Variants in OR2AJ1 observed in about 807,000 individuals in gnomAD.
The protein encoded by OR2AJ1 is olfactory receptor 2AJ1.
For synonymous variants in OR2AJ1, 105 were observed against 60.3 expected (o/e 1.74, Z -3.44); for missense variants, 280 against 163.2 (o/e 1.72, Z -3.90).
chr1:247,932,392 C>A lies in OR2AJ1; in HGVS notation c.-22-1355C>A, dbSNP rs555150347. On this transcript the variant is annotated intron_variant, in intron 1 of 1. Transcript: ENST00000318244. ...TAAAAAACAGGCAGGACTAATTACA[C>A]ATACATTTATAAACTTCATTGAGGT... is the stretch of plus-strand genomic sequence containing the variant. 8.1e-4 allele frequency among the ~76,000 whole-genome samples: 123 copies of A among 152,210 alleles called. 1 individual carries two copies. The South Asian group carries it at 8.5e-3, about 11-fold the overall frequency.
Position 247,934,442 on chromosome 1 carries a change from T to C in OR2AJ1, c.674T>C (p.Val225Ala). ...SASYGQIILT[V>A]LQMKSSEARK... is the part of the protein sequence containing the mutation. ...TCTTATGGCCAAATTATTCTTACTG[T>C]CCTCCAGATGAAATCATCAGAGGCA... is the stretch of plus-strand genomic sequence containing the variant. The change falls in exon 2 of 2, where the codon GTC becomes GCC. Residue 225 changes from valine to alanine, a missense_variant. Val to Ala is a moderately conservative substitution (Grantham distance 64, BLOSUM62 0). Transcript: ENST00000318244. 1.4e-6 allele frequency: 1 copy of C among 717,554 alleles called. No homozygotes were observed. The highest frequency in any genetic ancestry group is 2.6e-6 in the Non-Finnish European group (1 of 385,128). 44.4% of individuals were successfully genotyped at this position (717,554 alleles called of 1,614,324 possible). A position where few individuals can be genotyped will look rare whatever the true frequency, so the allele number is the denominator to read the frequency against.
intron 1 of OR2AJ1, among the ~76,000 whole-genome samples, chr1:247,929,100 A>C (rs1660124489): frequency 6.6e-6 from 1 of 152,180 alleles, no homozygotes; most frequent in South Asian, 2.1e-4. Context: ...AGGGCCAAAA[A>C]AAATGGTGAA....
At position 247,929,887 on chromosome 1, in the gene OR2AJ1, A is replaced by G. The variant is rs1267034666; in HGVS notation, c.-22-3860A>G. ...ATGATATTGTTATTTTCTTAATAAAATGTTTGAGTCAATAGCATACGAATT... is the reference window on the plus strand; with the variant it reads ...ATGATATTGTTATTTTCTTAATAAAGTGTTTGAGTCAATAGCATACGAATT... On this transcript the variant is annotated intron_variant, in intron 1 of 1. Transcript: ENST00000318244. 2.6e-5 allele frequency among the ~76,000 whole-genome samples: 4 copies of G among 152,162 alleles called. No individual in the cohort carries two copies. The East Asian group carries it at 5.8e-4, about 22-fold the overall frequency.
rs987833382 is a variant in OR2AJ1 at position 247,934,942 on chromosome 1, T to TA, written c.*188dup. ...GTACCAATTATAATCATGCAACAGT[T>TA]ACAGGAAGTAGAAGTTACCCAAGGC... is the stretch of plus-strand genomic sequence containing the variant. On this transcript the variant is annotated 3_prime_UTR_variant, in exon 2 of 2. Transcript: ENST00000318244. The TA allele has an allele frequency of 4.9e-5, 25 of 512,866 alleles. No individual in the cohort carries two copies. The highest frequency in any genetic ancestry group is 7.5e-5 in the Non-Finnish European group (22 of 293,850). 31.8% of individuals were successfully genotyped at this position (512,866 alleles called of 1,614,324 possible).
rs1430106103 is a variant in OR2AJ1, at chr1:247,934,580, A to G, written c.812A>G (p.Asp271Gly). ...AAATCATACCACACTCCAGGCCAGG[A>G]TAAGTTCCTGGCAATATTCTATACG... Reference protein sequence around the residue: ...RPKSYHTPGQDKFLAIFYTIL... With the variant: ...RPKSYHTPGQGKFLAIFYTIL... Residue 271 changes from aspartate to glycine, a missense_variant, in exon 2 of 2, where the codon GAT becomes GGT. Asp to Gly is a moderately conservative substitution (Grantham distance 94). Coordinates refer to ENST00000318244, the MANE Select transcript of OR2AJ1 (RefSeq NM_001355235.2). 1 of 717,890 alleles carries G rather than the reference A, an allele frequency of 1.4e-6. No homozygotes were observed. Among genetic ancestry groups the G allele is most frequent in the Admixed American group, 2.0e-5 (1 of 50,020 alleles). 44.5% of individuals were successfully genotyped at this position (717,890 alleles called of 1,614,324 possible). A position where few individuals can be genotyped will look rare whatever the true frequency, so the allele number is the denominator to read the frequency against.
intron 1 of OR2AJ1, among the ~76,000 whole-genome samples, chr1:247,927,570 T>A (rs1270876921): frequency 6.6e-6 from 1 of 150,424 alleles, no homozygotes; most frequent in Non-Finnish European, 1.5e-5. Context: ...ATAGAAAAAA[T>A]TATCATTAAC....
At chr1:247,925,315 A>G (rs1660078690) in intron 1 of OR2AJ1, 147 bp downstream of exon 1, 1 of 152,288 alleles carries the variant, frequency 6.6e-6, no homozygotes, top group Non-Finnish European at 1.5e-5. Flanking sequence ...ACATAAACAT[A>G]AGCAGCTAAA....
rs1317047594 is a variant in OR2AJ1 at position 247,925,009 on chromosome 1, C to T, written c.-182C>T. ...GGAAGGAAATCGCTGAACTGAGTAT[C>T]ACCCAATGCCTCTGAGTCACTCTCA... On this transcript the variant is annotated 5_prime_UTR_variant, in exon 1 of 2. Transcript: ENST00000318244. 6.6e-6 allele frequency: 1 copy of T among 152,234 alleles called. No homozygotes were observed. The highest frequency in any genetic ancestry group is 2.4e-5 in the African/African-American group (1 of 41,412). The allele number at this position is 152,234 out of a possible 1,614,324, so 9.4% of individuals were successfully genotyped here.
chr1:247,929,599 G>GGTCTCTGTGT (rs138586638), intron 1 of OR2AJ1, among the ~76,000 whole-genome samples: 2 of 147,356 alleles, frequency 1.4e-5, no homozygotes, highest in African/African-American at 2.5e-5. Context: ...CCCTTCACTC[G>GGTCTCTGTGT]GTGTGTGTGT....
chr1:247,933,628 T>C (rs1022473566), intron 1 of OR2AJ1, 119 bp from the exon 2 acceptor site: 2 of 477,026 alleles, frequency 4.2e-6, no homozygotes, highest in Non-Finnish European at 7.4e-6. Context: ...AAGAGTATTT[T>C]GATGTTGATT....
chr1:247,934,849 A>C lies in OR2AJ1; in HGVS notation c.*94A>C. 1 of 602,206 alleles carries C rather than the reference A, an allele frequency of 1.7e-6. No homozygotes were observed. Among genetic ancestry groups the C allele is most frequent in the South Asian group, 2.1e-5 (1 of 48,780 alleles). The allele number at this position is 602,206 out of a possible 1,614,324, so 37.3% of individuals were successfully genotyped here. A position where few individuals can be genotyped will look rare whatever the true frequency, so the allele number is the denominator to read the frequency against. On this transcript the variant is annotated 3_prime_UTR_variant, in exon 2 of 2. Transcript: ENST00000318244. The stretch of plus-strand genomic sequence containing the variant: ...AAGTGAATATTTCAGAAACATTGTT[A>C]ATAATAAACAATAATATGTGTTTGT...
chr1:247,931,113 C>T (rs1660148665), intron 1 of OR2AJ1, among the ~76,000 whole-genome samples: 1 of 152,144 alleles, frequency 6.6e-6, no homozygotes, highest in South Asian at 2.1e-4. Context: ...AGCTGAAAAA[C>T]TTAAGACAAA....
chr1:247,931,789 A>G (rs1660155229), intron 1 of OR2AJ1, among the ~76,000 whole-genome samples: 1 of 152,260 alleles, frequency 6.6e-6, no homozygotes, highest in African/African-American at 2.4e-5. Context: ...AGCTAAGGAC[A>G]TATGATTCAG....
intron 1 of OR2AJ1, among the ~76,000 whole-genome samples, chr1:247,926,349 C>T (rs1466241688): frequency 6.6e-6 from 1 of 152,150 alleles, no homozygotes; most frequent in Non-Finnish European, 1.5e-5. Context: ...CATTAACACA[C>T]GATAATCCAA....
chr1:247,929,641 G>A (rs952850236), intron 1 of OR2AJ1, among the ~76,000 whole-genome samples: 3 of 103,262 alleles, frequency 2.9e-5, no homozygotes, highest in African/African-American at 5.6e-5. Context: ...TTTGCAGTGG[G>A]GGTATTTAAT....
At chr1:247,925,509 T>TA (rs977574670) in intron 1 of OR2AJ1, among the ~76,000 whole-genome samples, 4 of 152,108 alleles carry the variant, frequency 2.6e-5, no homozygotes, top group Admixed American at 6.6e-5. Context: ...TAATCCAACT[T>TA]ATGAAAAAGA....
chr1:247,933,847 T>G lies in OR2AJ1; in HGVS notation c.79T>G (p.Phe27Val). The G allele has an allele frequency of 1.5e-6, 1 of 676,900 alleles. No homozygotes were observed. The highest frequency in any genetic ancestry group is 2.8e-6 in the Non-Finnish European group (1 of 363,352). 41.9% of individuals were successfully genotyped at this position (676,900 alleles called of 1,614,324 possible). ...LFSSSPTSVV[F>V]FLVLFVIFIM... ...CTCTTCTTCCCCAACAAGTGTGGTC[T>G]TCTTCTTAGTTTTATTTGTCATTTT... Residue 27 changes from phenylalanine to valine, a missense_variant, in exon 2 of 2, where the codon TTC (phenylalanine) becomes GTC (valine). By Grantham distance (50) the Phe-to-Val change is conservative. Transcript: ENST00000318244.
In OR2AJ1 at chr1:247,934,287, A is replaced by G; in HGVS notation, c.519A>G (p.Ala173=). 2.7e-6 allele frequency: 2 copies of G among 734,772 alleles called. No individual in the cohort carries two copies. Among genetic ancestry groups the G allele is most frequent in the East Asian group, 2.6e-5 (1 of 38,784 alleles). 45.5% of individuals were successfully genotyped at this position (734,772 alleles called of 1,614,324 possible). Residue 173 remains alanine, a synonymous_variant, in exon 2 of 2, where the codon GCA becomes GCG. Coordinates refer to ENST00000318244, the MANE Select transcript of OR2AJ1 (RefSeq NM_001355235.2). ...ALQFPFCGSR[A]IDHFFCEVPA... ...AGTTTCCCTTCTGTGGCTCTAGGGC[A>G]ATTGATCACTTCTTCTGTGAAGTCC...
At position 247,924,971 on chromosome 1, in the gene OR2AJ1, CTG is replaced by C. The variant is rs1426956694; in HGVS notation, c.-218_-217del. On this transcript the variant is annotated 5_prime_UTR_variant, in exon 1 of 2. Coordinates refer to ENST00000318244, the MANE Select transcript of OR2AJ1 (RefSeq NM_001355235.2). Reference sequence around the variant, plus strand: ...TCACATATCCCCTTCTCCCTGTAAACTGTCAGCTAATCGGAAGGAAATCGCTG... The same window carrying C: ...TCACATATCCCCTTCTCCCTGTAAACTCAGCTAATCGGAAGGAAATCGCTG... The C allele has an allele frequency of 6.6e-6, 1 of 152,348 alleles. No individual in the cohort carries two copies. The highest frequency in any genetic ancestry group is 6.5e-5 in the Admixed American group (1 of 15,286). 9.4% of individuals were successfully genotyped at this position (152,348 alleles called of 1,614,324 possible). A position where few individuals can be genotyped will look rare whatever the true frequency, so the allele number is the denominator to read the frequency against.
Sources: allele counts gnomAD v4.1 joint callset (sites outside exome capture counted in the v4.1 genomes callset), GRCh38; gene constraint gnomAD v4.1.1; transcripts MANE v1.5; gene names NCBI Gene and HGNC (gene_info 2026-07-23, HGNC 2026-07-21).